The following MYZAP variants were observed in gnomAD, a reference collection of about 807,000 sequenced individuals.
MYZAP encodes the protein myocardial zonula adherens protein, also known as GRINL1A complex locus upstream.
In MYZAP, 66 loss-of-function variants were observed where a neutral mutation model predicts 69.4. The ratio of observed to expected loss-of-function variants is 0.95; its 90% confidence interval spans 0.78 to 1.17. The LOEUF (loss-of-function observed/expected upper bound fraction) is 1.17. Ranked by LOEUF, MYZAP falls within the 50% of genes most tolerant of loss-of-function variation. The probability of loss-of-function intolerance (pLI) is 0.00; values close to 1 mark genes in which losing one functional copy is unlikely to be tolerated. For missense variants in MYZAP, 611 were observed against 556.2 expected, an observed-to-expected ratio of 1.10 and a Z score of -0.99; for synonymous variants, 256 against 205.9, an observed-to-expected ratio of 1.24 and a Z score of -2.09.
At position 57,601,274 on chromosome 15, in the gene MYZAP, TTG is replaced by T. The variant is rs10679285; in HGVS notation, c.76-2970_76-2969del. On this transcript the variant is annotated intron_variant, in intron 1 of 12. Transcript: ENST00000267853. ...GGCATATATGTACGTGTGTGCACAC[TTG>T]TGTGTGTGTGTGTGTGTGTGTGTGA... Among the ~76,000 whole-genome samples the T allele has an allele frequency of 3.9e-3, 585 of 148,204 alleles. 6 individuals carry two copies. The highest frequency in any genetic ancestry group is 0.02 in the Admixed American group (304 of 14,902).
At chr15:57,626,654 T>C (rs1279722129) in intron 5 of MYZAP, among the ~76,000 whole-genome samples, 1 of 152,264 alleles carries the variant, frequency 6.6e-6, no homozygotes, top group Non-Finnish European at 1.5e-5. Context: ...CCAAATTTAT[T>C]TGGCTCTTAT....
chr15:57,651,790 TC>T (rs1342139558), intron 10 of MYZAP, among the ~76,000 whole-genome samples: 2 of 152,198 alleles, frequency 1.3e-5, no homozygotes, highest in African/African-American at 4.8e-5. Flanking sequence ...CCTCCTTTCT[TC>T]CTTCTCAGAG....
At chr15:57,678,484 A>G (rs549693059) in intron 12 of MYZAP, among the ~76,000 whole-genome samples, 3 of 152,338 alleles carry the variant, frequency 2.0e-5, no homozygotes, top group South Asian at 4.1e-4. Context: ...CTGATTTTCT[A>G]TGTAGAACAC....
Position 57,684,546 on chromosome 15 carries a change from C to T in MYZAP, c.*48C>T, listed in dbSNP as rs1474370709. ...TACAGATGGACAAAAGCTCTGGAAC[C>T]CTGTGGCTTCAAATCCTTTGGGAAG... On this transcript the variant is annotated 3_prime_UTR_variant, in exon 13 of 13. Coordinates refer to ENST00000267853, the MANE Select transcript of MYZAP (RefSeq NM_001018100.5). 1 of 1,232,738 alleles carries T rather than the reference C, an allele frequency of 8.1e-7. No homozygotes were observed. The highest frequency in any genetic ancestry group is 1.2e-6 in the Non-Finnish European group (1 of 849,874). The allele number at this position is 1,232,738 out of a possible 1,614,324, so 76.4% of individuals were successfully genotyped here.
chr15:57,621,044 TTTA>T (rs1420264663), intron 3 of MYZAP, among the ~76,000 whole-genome samples: 1 of 147,992 alleles, frequency 6.8e-6, no homozygotes, highest in Non-Finnish European at 1.5e-5. Flanking sequence ...GCCTATATAT[TTTA>T]TTATGTATAT....
intron 6 of MYZAP, 71 bp downstream of exon 6, chr15:57,629,925 A>G (rs1367817311): frequency 1.8e-5 from 28 of 1,514,846 alleles, no homozygotes; most frequent in Non-Finnish European, 2.5e-5. Context: ...TTCTCTTCCC[A>G]TCTTCAACCT....
chr15:57,673,871 TAAA>T (rs1280095050), intron 11 of MYZAP, among the ~76,000 whole-genome samples: 1 of 152,140 alleles, frequency 6.6e-6, no homozygotes, highest in Non-Finnish European at 1.5e-5. Flanking sequence ...AGCTCCAACT[TAAA>T]GAAGAAAAGA....
In MYZAP at chr15:57,639,537, G is replaced by A; in HGVS notation, c.1111G>A (p.Val371Ile). The change falls in exon 10 of 13, where the codon GTC becomes ATC. Residue 371 changes from valine (V) to isoleucine (I), a missense_variant. Transcript: ENST00000267853. Reference sequence around the variant, plus strand: ...CCAGCAGAAGAAAGTCAAGCAGATGGTCGAGGAGGTAAGCATCTGCAAAAG... The same window carrying A: ...CCAGCAGAAGAAAGTCAAGCAGATGATCGAGGAGGTAAGCATCTGCAAAAG... Reference protein sequence around the residue: ...HCQQKKVKQMVEEIESLKKKL... With the variant: ...HCQQKKVKQMIEEIESLKKKL... 1 of 1,613,720 alleles carries A rather than the reference G, an allele frequency of 6.2e-7. No homozygotes were observed. The highest frequency in any genetic ancestry group is 8.5e-7 in the Non-Finnish European group (1 of 1,179,868).
At chr15:57,649,264 C>T (rs1444497239) in intron 10 of MYZAP, among the ~76,000 whole-genome samples, 1 of 152,170 alleles carries the variant, frequency 6.6e-6, no homozygotes, top group East Asian at 1.9e-4. Flanking sequence ...ATAATTTCAC[C>T]TTTTCTAGAT....
Position 57,670,171 on chromosome 15 carries a change from T to TAA in MYZAP, c.1204-4797_1204-4796insAA, listed in dbSNP as rs75480831. Among the ~76,000 whole-genome samples, 249 of 152,226 alleles carry TAA rather than the reference T, an allele frequency of 1.6e-3. 7 individuals are homozygous for TAA. In the East Asian group the frequency reaches 0.041, roughly 25 times the overall value. On this transcript the variant is annotated intron_variant, in intron 11 of 12. Transcript: ENST00000267853. ...TAACTGACATTTTTCTTGGATTTTG[T>TAA]GTAATTGTCCTATCAATTGCCGAGA... is the stretch of plus-strand genomic sequence containing the variant.
intron 10 of MYZAP, among the ~76,000 whole-genome samples, chr15:57,652,882 C>G (rs1385303678): frequency 6.6e-6 from 1 of 152,278 alleles, no homozygotes; most frequent in African/African-American, 2.4e-5. Flanking sequence ...TAAATTTCCC[C>G]TGAAAAGGCT....
chr15:57,651,472 A>G (rs1190949742), intron 10 of MYZAP, among the ~76,000 whole-genome samples: 2 of 152,180 alleles, frequency 1.3e-5, no homozygotes, highest in African/African-American at 2.4e-5. Flanking sequence ...TCACATGTCA[A>G]CCTTCCTCCC....
intron 10 of MYZAP, among the ~76,000 whole-genome samples, chr15:57,645,406 C>T (rs1282041670): frequency 6.6e-6 from 1 of 152,158 alleles, no homozygotes; most frequent in African/African-American, 2.4e-5. Context: ...CATGCATCTG[C>T]AGTTAGAGAC....
chr15:57,660,417 C>A (rs1036311474), intron 10 of MYZAP, among the ~76,000 whole-genome samples: 52 of 152,236 alleles, frequency 3.4e-4, no homozygotes, highest in Admixed American at 2.6e-3. Context: ...TGGGCTCAAG[C>A]AATCCTCCCA....
chr15:57,642,532 C>T (rs959249042), intron 10 of MYZAP, among the ~76,000 whole-genome samples: 6 of 152,172 alleles, frequency 3.9e-5, no homozygotes, highest in Non-Finnish European at 8.8e-5. Context: ...TCTTCCCTCA[C>T]ATGGGTCTGG....
chr15:57,625,431 A>G (rs1391288097), intron 4 of MYZAP, among the ~76,000 whole-genome samples: 1 of 152,168 alleles, frequency 6.6e-6, no homozygotes, highest in African/African-American at 2.4e-5. Context: ...TGCAGAAGTT[A>G]TTTCAACTGG....
intron 2 of MYZAP, among the ~76,000 whole-genome samples, chr15:57,606,072 C>G (rs1171467561): frequency 2.0e-5 from 3 of 152,030 alleles, no homozygotes; most frequent in African/African-American, 7.3e-5. Context: ...TTTGTAACCT[C>G]CAGGTATACT....
At position 57,674,931 on chromosome 15, in the gene MYZAP, T is replaced by A. The variant is rs780217531; in HGVS notation, c.1204-37T>A. On this transcript the variant is annotated intron_variant, in intron 11 of 12. Coordinates refer to ENST00000267853, the MANE Select transcript of MYZAP (RefSeq NM_001018100.5). The stretch of plus-strand genomic sequence containing the variant: ...CATGCATATTTGAGGGGGAACATAT[T>A]TGACTTACTGAAAGTACCTTTTTTT... 3.2e-6 allele frequency: 5 copies of A among 1,568,050 alleles called. No individual in the cohort carries two copies. In the South Asian group the frequency reaches 5.8e-5, roughly 18 times the overall value.
At chr15:57,610,704 C>G (rs931018495) in intron 2 of MYZAP, among the ~76,000 whole-genome samples, 1 of 152,146 alleles carries the variant, frequency 6.6e-6, no homozygotes, top group African/African-American at 2.4e-5. Context: ...GTAAAGCAGT[C>G]AAGGTGCAGC....
Sources: gnomAD v4.1 joint callset for allele counts (sites outside exome capture counted in the v4.1 genomes callset) on GRCh38, gnomAD v4.1.1 for gene constraint, MANE v1.5 for transcripts, NCBI Gene and HGNC (gene_info 2026-07-23, HGNC 2026-07-21) for gene names.